Variants in ASB3 observed in about 807,000 individuals in gnomAD.
ASB3 encodes the protein ankyrin repeat and SOCS box containing 3, also known as ankyrin repeat and SOCS box protein 3.
A neutral mutation model predicts 54.5 loss-of-function variants in ASB3; 41 were observed. The observed-to-expected ratio is 0.75, with a 90% CI of 0.59 to 0.98. The LOEUF (loss-of-function observed/expected upper bound fraction) is 0.98. Ranked by LOEUF, ASB3 falls within the 50% of genes least tolerant of loss-of-function variation. The pLI is 0.00. For synonymous variants in ASB3, 266 were observed against 221.2 expected, an observed-to-expected ratio of 1.20 and a Z score of -1.80; for missense variants, 733 against 620.0, an observed-to-expected ratio of 1.18 and a Z score of -1.94.
intron 9 of ASB3, 79 bp from the exon 10 acceptor site, chr2:53,670,769 C>G: frequency 2.1e-6 from 3 of 1,461,654 alleles, no homozygotes; most frequent in Non-Finnish European, 2.7e-6. Flanking sequence ...TTTTTTTTTC[C>G]CCCAACTCTT....
intron 8 of ASB3, 110 bp from the exon 9 acceptor site, chr2:53,694,124 A>C: frequency 7.7e-7 from 1 of 1,296,430 alleles, no homozygotes; most frequent in Non-Finnish European, 1.1e-6. Context: ...AGGAGGGCAG[A>C]CAGAAAACCA....
intron 3 of ASB3, among the ~76,000 whole-genome samples, chr2:53,747,907 G>T (rs1382702844): frequency 7.2e-5 from 11 of 152,210 alleles, no homozygotes; most frequent in Non-Finnish European, 1.2e-4. Context: ...ATAGCACATA[G>T]TGTTTCGCAA....
At position 53,721,398 on chromosome 2, in the gene ASB3, CAAAAAAA is replaced by C. The variant is rs1195017138; in HGVS notation, c.605-4662_605-4656del. On this transcript the variant is annotated intron_variant, in intron 5 of 9. Transcript: ENST00000263634. ...GTGAAACCCCATCTCTACTAAACTACAAAAAAAAAAAAAAAAAAAAAAATTAGCCAGA... is the reference window on the plus strand; with the variant it reads ...GTGAAACCCCATCTCTACTAAACTACAAAAAAAAAAAAAAAATTAGCCAGA... Among the ~76,000 whole-genome samples, 29 of 87,362 alleles carry C rather than the reference CAAAAAAA, an allele frequency of 3.3e-4. 1 individual carries two copies. The highest frequency in any genetic ancestry group is 2.0e-3 in the Admixed American group (15 of 7,494). 57.3% of individuals were successfully genotyped at this position (87,362 alleles called of 152,430 possible). A position where few individuals can be genotyped will look rare whatever the true frequency, so the allele number is the denominator to read the frequency against.
At chr2:53,729,610 G>C (rs1267458381) in intron 3 of ASB3, 40 bp from the exon 4 acceptor site, 3 of 1,586,038 alleles carry the variant, frequency 1.9e-6, no homozygotes. Context: ...TCAGCAAAAA[G>C]GCATGTTTGT....
chr2:53,674,542 C>T (rs1406401899), intron 9 of ASB3, among the ~76,000 whole-genome samples: 1 of 152,160 alleles, frequency 6.6e-6, no homozygotes, highest in Non-Finnish European at 1.5e-5. Flanking sequence ...GCCAACTTTA[C>T]TATAGCACAA....
chr2:53,759,276 G>C (rs1008676854), intron 2 of ASB3, among the ~76,000 whole-genome samples: 8 of 152,288 alleles, frequency 5.3e-5, no homozygotes, highest in African/African-American at 1.7e-4. Flanking sequence ...AGGAAAACTA[G>C]GAGGAAGACT....
At chr2:53,724,992 G>A (rs548123614) in intron 5 of ASB3, among the ~76,000 whole-genome samples, 4 of 151,940 alleles carry the variant, frequency 2.6e-5, no homozygotes, top group Admixed American at 6.6e-5. Context: ...TGTTCATCAC[G>A]GCACCATTCA....
chr2:53,671,353 CGTGTGTGT>C lies in ASB3; in HGVS notation c.1370-671_1370-664del, dbSNP rs142473697. Among the ~76,000 whole-genome samples the C allele has an allele frequency of 9.3e-3, 1,328 of 142,590 alleles. 22 individuals are homozygous for C. Among genetic ancestry groups the C allele is most frequent in the African/African-American group, 0.032 (1,234 of 38,544 alleles). 93.5% of individuals were successfully genotyped at this position (142,590 alleles called of 152,430 possible). A position where few individuals can be genotyped will look rare whatever the true frequency, so the allele number is the denominator to read the frequency against. ...AACTCAGATCTATCTGAACCCAAAG[CGTGTGTGT>C]GTGTGTGTGTGTGTGTGTGTGTGTG... On this transcript the variant is annotated intron_variant, in intron 9 of 9. Transcript: ENST00000263634.
chr2:53,782,156 G>A (rs1674684852), intron 1 of ASB3, among the ~76,000 whole-genome samples: 2 of 152,102 alleles, frequency 1.3e-5, no homozygotes, highest in Admixed American at 1.3e-4. Flanking sequence ...TAGCCCGGGT[G>A]ACAAAGCGAG....
intron 5 of ASB3, among the ~76,000 whole-genome samples, chr2:53,722,216 C>T (rs577421454): frequency 1.3e-5 from 2 of 150,862 alleles, no homozygotes; most frequent in South Asian, 4.2e-4. Context: ...TCCTGGACCA[C>T]ATGAATTCAC....
In ASB3 at chr2:53,763,569, C is replaced by A. The variant is rs368570848; in HGVS notation, c.196+1808G>T. 1.5e-4 allele frequency: 26 copies of A among 169,424 alleles called. No homozygotes were observed. In the East Asian group the frequency reaches 2.7e-3, roughly 18 times the overall value. 10.5% of individuals were successfully genotyped at this position (169,424 alleles called of 1,614,324 possible). ...ATCCATGAATTTTGGTGTCCGTGGA[C>A]ATTTTGGGACCAATTCCCTGTGGAT... On this transcript the variant is annotated intron_variant, in intron 2 of 9. Transcript: ENST00000263634.
chr2:53,670,700 C>CA lies in ASB3; in HGVS notation c.1370-11dup, dbSNP rs750743140. ...AGGGATGGAACAGTGGCTGGAGAAA[C>CA]AAAAAAAGCAAGGTGAAACTTTTTT... On this transcript the variant is annotated splice_polypyrimidine_tract_variant and intron_variant, in intron 9 of 9. Transcript: ENST00000263634. 2.5e-6 allele frequency: 4 copies of CA among 1,579,700 alleles called. No individual in the cohort carries two copies. The highest frequency in any genetic ancestry group is 3.4e-6 in the Non-Finnish European group (4 of 1,166,020).
At chr2:53,766,395 T>C (rs1228839064) in intron 1 of ASB3, among the ~76,000 whole-genome samples, 2 of 152,204 alleles carry the variant, frequency 1.3e-5, no homozygotes, top group South Asian at 2.1e-4. Context: ...AGTTTGGATA[T>C]GGAATACTTA....
intron 2 of ASB3, among the ~76,000 whole-genome samples, chr2:53,755,537 G>GT (rs1242421845): frequency 6.6e-6 from 1 of 152,150 alleles, no homozygotes; most frequent in Non-Finnish European, 1.5e-5. Flanking sequence ...AATCACAAGT[G>GT]TAATAAATGT....
At chr2:53,725,871 T>A (rs544650958) in intron 5 of ASB3, among the ~76,000 whole-genome samples, 78 of 152,306 alleles carry the variant, frequency 5.1e-4, no homozygotes, top group African/African-American at 1.8e-3. Context: ...TCACCCACTG[T>A]CAGTTTCAGA....
intron 1 of ASB3, among the ~76,000 whole-genome samples, chr2:53,770,471 T>A (rs2104138187): frequency 6.9e-6 from 1 of 145,212 alleles, no homozygotes; most frequent in South Asian, 2.2e-4. Flanking sequence ...ACATACAGCC[T>A]TTGGTACTCC....
intron 1 of ASB3, among the ~76,000 whole-genome samples, chr2:53,773,730 A>G (rs1277674325): frequency 6.6e-6 from 1 of 151,012 alleles, no homozygotes; most frequent in Non-Finnish European, 1.5e-5. Flanking sequence ...CTCCTGGCCC[A>G]CTTTTAAAAA....
intron 7 of ASB3, among the ~76,000 whole-genome samples, chr2:53,712,969 A>G (rs1310136422): frequency 6.6e-6 from 1 of 152,210 alleles, no homozygotes; most frequent in Non-Finnish European, 1.5e-5. Context: ...AAATCCTATG[A>G]AATCATGAAA....
At chr2:53,769,327 T>C (rs1673725121) in intron 1 of ASB3, among the ~76,000 whole-genome samples, 1 of 152,222 alleles carries the variant, frequency 6.6e-6, no homozygotes, top group Non-Finnish European at 1.5e-5. Flanking sequence ...TCAGTTTTGA[T>C]ATGAATATTT....
Sources: allele counts gnomAD v4.1 joint callset (sites outside exome capture counted in the v4.1 genomes callset), GRCh38; gene constraint gnomAD v4.1.1; transcripts MANE v1.5; gene names NCBI Gene and HGNC (gene_info 2026-07-23, HGNC 2026-07-21).